The following CATSPERD variants were observed in gnomAD, a reference collection of about 807,000 sequenced individuals.
The protein encoded by CATSPERD is catsper channel auxiliary subunit delta.
In CATSPERD, 86 loss-of-function variants were observed where a neutral mutation model predicts 98.1. The observed-to-expected ratio is 0.88, with a 90% CI of 0.74 to 1.05. CATSPERD has a LOEUF of 1.05. Among genes scored for constraint, CATSPERD ranks in the 50% least tolerant of loss-of-function variants. The pLI is 0.00. For synonymous variants in CATSPERD, 394 were observed against 390.2 expected (o/e 1.01, Z -0.12); for missense variants, 995 against 1,005.7 (o/e 0.99, Z 0.14).
chr19:5,720,729 CCCAA>C lies in CATSPERD; in HGVS notation c.-8_-5del. On this transcript the variant is annotated 5_prime_UTR_variant, in exon 1 of 22. Transcript: ENST00000381624. Reference sequence around the variant, plus strand: ...TGAGGGGCAGTGGTGGCGGCGGAAGCCCAAGTCGATGCTGATGTTGATGCTGGTG... The same window carrying C: ...TGAGGGGCAGTGGTGGCGGCGGAAGCGTCGATGCTGATGTTGATGCTGGTG... 6.2e-7 allele frequency: 1 copy of C among 1,605,884 alleles called. No individual in the cohort carries two copies. The highest frequency in any genetic ancestry group is 1.7e-5 in the Admixed American group (1 of 59,892).
In CATSPERD at chr19:5,748,725, ATTCT is replaced by A. The variant is rs1303055289; in HGVS notation, c.905-373_905-370del. Reference sequence around the variant, plus strand: ...ATAACCAGAAAATAGCTGTCATATTATTCTTTTTTTTTTTTTTTTTTTTGAGATG... The same window carrying A: ...ATAACCAGAAAATAGCTGTCATATTATTTTTTTTTTTTTTTTTTTGAGATG... On this transcript the variant is annotated intron_variant, in intron 10 of 21. Transcript: ENST00000381624. Among the ~76,000 whole-genome samples the A allele has an allele frequency of 4.5e-3, 290 of 65,082 alleles. 1 individual carries two copies. The highest frequency in any genetic ancestry group is 0.014 in the African/African-American group (273 of 19,400). The allele number at this position is 65,082 out of a possible 152,430, so 42.7% of individuals were successfully genotyped here.
chr19:5,727,482 T>A (rs2055626971), intron 3 of CATSPERD, 138 bp downstream of exon 3: 2 of 651,714 alleles, frequency 3.1e-6, no homozygotes, highest in South Asian at 3.6e-5. Flanking sequence ...GAGTCCATAG[T>A]CAGGGGCTGG....
chr19:5,757,940 G>C lies in CATSPERD; in HGVS notation c.1368+8G>C, dbSNP rs781428103. On this transcript the variant is annotated splice_region_variant and intron_variant, in intron 14 of 21. Transcript: ENST00000381624. The stretch of plus-strand genomic sequence containing the variant: ...AACACCAAGTACAAACTGGTGAGCC[G>C]CGTCCCCACCAAACCCTGTCGCCTG... 6.2e-7 allele frequency: 1 copy of C among 1,608,538 alleles called. No individual in the cohort carries two copies. The highest frequency in any genetic ancestry group is 8.5e-7 in the Non-Finnish European group (1 of 1,177,632).
chr19:5,724,699 C>T, intron 1 of CATSPERD, 109 bp from the exon 2 acceptor site: 1 of 1,127,512 alleles, frequency 8.9e-7, no homozygotes, highest in South Asian at 1.3e-5. Flanking sequence ...ACTCCGTCCC[C>T]CCCAAAAAAG....
At chr19:5,762,058 ATTTTTT>A (rs869295948) in intron 15 of CATSPERD, among the ~76,000 whole-genome samples, 1 of 10,442 alleles carries the variant, frequency 9.6e-5, no homozygotes, top group Non-Finnish European at 1.8e-4. Flanking sequence ...ATATATATAT[ATTTTTT>A]TTTTTTTTTT....
rs549175728 is a variant in CATSPERD at position 5,753,375 on chromosome 19, A to ACG, written c.1165-757_1165-756insCG. 6.7e-4 allele frequency: 114 copies of ACG among 169,348 alleles called. 1 individual carries two copies. Among genetic ancestry groups the ACG allele is most frequent in the Admixed American group, 1.7e-3 (27 of 16,026 alleles). 10.5% of individuals were successfully genotyped at this position (169,348 alleles called of 1,614,324 possible). ...GGAGATCGAGACCTTCCTGGCTAAC[A>ACG]GTGAAACCCCATCTCTACCAAAAAT... On this transcript the variant is annotated intron_variant, in intron 12 of 21. Coordinates refer to ENST00000381624, the MANE Select transcript of CATSPERD (RefSeq NM_152784.4).
chr19:5,733,335 C>T (rs199902511), intron 4 of CATSPERD, among the ~76,000 whole-genome samples: 47,016 of 120,100 alleles, frequency 0.39, 8,326 homozygotes, highest in Non-Finnish European at 0.44. Flanking sequence ...TTCTTTCTTT[C>T]CTTTCTTTCT....
In CATSPERD at chr19:5,778,696, A is replaced by T. The variant is rs150902877; in HGVS notation, c.*20A>T. The T allele has an allele frequency of 2.4e-4, 375 of 1,590,750 alleles. 5 individuals are homozygous for T. In the African/African-American group the frequency reaches 4.4e-3, roughly 19 times the overall value. ...CACTGAGGCCGGTCCACAGGGTCCC[A>T]ACCCCTTGTCTTCAAATAAAGTATA... is the stretch of plus-strand genomic sequence containing the variant. On this transcript the variant is annotated 3_prime_UTR_variant, in exon 22 of 22. Transcript: ENST00000381624.
At chr19:5,763,629 G>A (rs1213549757) in intron 16 of CATSPERD, among the ~76,000 whole-genome samples, 1 of 151,906 alleles carries the variant, frequency 6.6e-6, no homozygotes, top group East Asian at 1.9e-4. Flanking sequence ...GTAGGATGGG[G>A]GGTGTCAGGA....
intron 11 of CATSPERD, among the ~76,000 whole-genome samples, chr19:5,750,684 G>A (rs1283325738): frequency 5.9e-5 from 9 of 151,898 alleles, no homozygotes; most frequent in South Asian, 4.2e-4. Context: ...GCAGTGAGCC[G>A]AGATCGTGCC....
At position 5,741,795 on chromosome 19, in the gene CATSPERD, G is replaced by GA. The variant is rs1401941180; in HGVS notation, c.573+2356_573+2357insA. On this transcript the variant is annotated intron_variant, in intron 7 of 21. Coordinates refer to ENST00000381624, the MANE Select transcript of CATSPERD (RefSeq NM_152784.4). ...TTGGGATGCTGAAGGCGGGGGGGGGGGGGTGGTGTGGATCACTTGAGGTCA... is the reference window on the plus strand; with the variant it reads ...TTGGGATGCTGAAGGCGGGGGGGGGGAGGGTGGTGTGGATCACTTGAGGTCA... Among the ~76,000 whole-genome samples, 4 of 90,390 alleles carry GA rather than the reference G, an allele frequency of 4.4e-5. 2 individuals carry two copies. The highest frequency in any genetic ancestry group is 1.0e-4 in the Non-Finnish European group (4 of 39,346). 59.3% of individuals were successfully genotyped at this position (90,390 alleles called of 152,430 possible).
At chr19:5,755,404 A>G (rs1338956038) in intron 13 of CATSPERD, among the ~76,000 whole-genome samples, 1 of 152,104 alleles carries the variant, frequency 6.6e-6, no homozygotes, top group Non-Finnish European at 1.5e-5. Context: ...AAAAACTATT[A>G]TACTCAATAG....
In CATSPERD at chr19:5,754,260, A is replaced by G. The variant is rs371173168; in HGVS notation, c.1278+15A>G. On this transcript the variant is annotated intron_variant, in intron 13 of 21. Coordinates refer to ENST00000381624, the MANE Select transcript of CATSPERD (RefSeq NM_152784.4). ...TGATTCCTCTGGTAAGTACATCTTA[A>G]TGTTTCTGCTATCTGGGATTCTCAG... The G allele has an allele frequency of 2.0e-5, 31 of 1,573,938 alleles. No individual in the cohort carries two copies. The African/African-American group carries it at 4.0e-4, about 21-fold the overall frequency.
chr19:5,749,156 G>A lies in CATSPERD; in HGVS notation c.960G>A (p.Leu320=), dbSNP rs1428867616. ...AGGATAATTTGTATTATGGCAATCT[G>A]GGCATCGTGCCAAGTTCCATAATCA... is the stretch of plus-strand genomic sequence containing the variant. ...TREDNLYYGN[L]GIVPSSIIKF... is the part of the protein sequence containing the mutation. The change falls in exon 11 of 22, where the codon CTG becomes CTA. Residue 320 remains leucine (L), a synonymous_variant. Coordinates refer to ENST00000381624, the MANE Select transcript of CATSPERD (RefSeq NM_152784.4). 2 of 1,612,708 alleles carry A rather than the reference G, an allele frequency of 1.2e-6. No homozygotes were observed. Among genetic ancestry groups the A allele is most frequent in the South Asian group, 1.1e-5 (1 of 90,926 alleles).
In CATSPERD at chr19:5,763,291, C is replaced by T. The variant is rs1412355493; in HGVS notation, c.1504C>T (p.Leu502=). 3.7e-6 allele frequency: 6 copies of T among 1,612,680 alleles called. No homozygotes were observed. The highest frequency in any genetic ancestry group is 5.1e-6 in the Non-Finnish European group (6 of 1,178,724). The change falls in exon 16 of 22, where the codon CTG becomes TTG. Residue 502 remains leucine (L), a splice_region_variant and synonymous_variant. Transcript: ENST00000381624. ...AATTTCATGTGTGGATATCAAGCCA[C>T]TGGTAGGTCCCAAATCTTTGCTGTC... ...KEISCVDIKP[L]STLISVGCDL...
intron 2 of CATSPERD, among the ~76,000 whole-genome samples, chr19:5,725,530 A>C (rs2055587935): frequency 6.6e-6 from 1 of 152,168 alleles, no homozygotes; most frequent in South Asian, 2.1e-4. Flanking sequence ...TGTCACAGGA[A>C]ATGTCAGTTT....
chr19:5,738,959 G>A (rs1223034812), intron 6 of CATSPERD, among the ~76,000 whole-genome samples: 3 of 150,270 alleles, frequency 2.0e-5, no homozygotes, highest in East Asian at 2.0e-4. Flanking sequence ...AACTCCTGGC[G>A]TCAACTGATC....
At chr19:5,773,968 C>CTTTTTTTTT (rs71172771) in intron 20 of CATSPERD, among the ~76,000 whole-genome samples, 1 of 120,408 alleles carries the variant, frequency 8.3e-6, no homozygotes, top group East Asian at 2.4e-4. Context: ...TTTGCATTTG[C>CTTTTTTTTT]TTTTTTTTTT....
At chr19:5,732,185 G>T (rs1406896251) in intron 4 of CATSPERD, among the ~76,000 whole-genome samples, 1 of 151,692 alleles carries the variant, frequency 6.6e-6, no homozygotes, top group African/African-American at 2.4e-5. Flanking sequence ...ATGTTGGCCA[G>T]ACTGGTCTCA....
Sources: gnomAD v4.1 joint callset for allele counts (sites outside exome capture counted in the v4.1 genomes callset) on GRCh38, gnomAD v4.1.1 for gene constraint, MANE v1.5 for transcripts, NCBI Gene and HGNC (gene_info 2026-07-23, HGNC 2026-07-21) for gene names.